Variants in SUSD4 observed in about 807,000 individuals in gnomAD.
The protein encoded by SUSD4 is sushi domain containing 4, also known as sushi domain-containing protein 4.
SUSD4 carries 41 observed loss-of-function variants against 50.5 expected under a neutral mutation model. That is an observed-to-expected ratio of 0.81 (90% CI 0.63 to 1.05). The LOEUF (loss-of-function observed/expected upper bound fraction) is 1.05, where lower values mean the gene tolerates loss of function less well. Ranked by LOEUF, SUSD4 falls within the 50% of genes least tolerant of loss-of-function variation. The probability of loss-of-function intolerance (pLI) is 0.00; values close to 1 mark genes in which losing one functional copy is unlikely to be tolerated. For missense variants in SUSD4, 580 were observed against 634.7 expected, an observed-to-expected ratio of 0.91 and a Z score of 0.93; for synonymous variants, 257 against 257.3, an observed-to-expected ratio of 1.00 and a Z score of 0.01.
At chr1:223,363,693 G>A (rs1669143013) in intron 1 of SUSD4, 1 of 463,190 alleles carries the variant, frequency 2.2e-6, no homozygotes, top group Non-Finnish European at 3.8e-6. Flanking sequence ...ATGGAGGACA[G>A]GAGGGAGGGC....
At chr1:223,244,276 A>G in intron 5 of SUSD4, among the ~76,000 whole-genome samples, 1 of 152,210 alleles carries the variant, frequency 6.6e-6, no homozygotes, top group East Asian at 1.9e-4. Context: ...CAGAAGGTTT[A>G]AAAAACTAAA....
chr1:223,305,633 C>A (rs766974183), intron 2 of SUSD4, among the ~76,000 whole-genome samples: 21 of 152,148 alleles, frequency 1.4e-4, no homozygotes, highest in Non-Finnish European at 2.1e-4. Context: ...TTTTTCACTG[C>A]AAAAGCAGTA....
intron 2 of SUSD4, among the ~76,000 whole-genome samples, chr1:223,328,345 A>G: frequency 6.6e-6 from 1 of 152,180 alleles, no homozygotes; most frequent in Non-Finnish European, 1.5e-5. Flanking sequence ...TTAAGGTCTC[A>G]CAGTAGGTGG....
At chr1:223,314,792 C>T (rs1393078556) in intron 2 of SUSD4, among the ~76,000 whole-genome samples, 1 of 152,186 alleles carries the variant, frequency 6.6e-6, no homozygotes. Flanking sequence ...AGCCATGTGG[C>T]ACTGTGAGTC....
intron 5 of SUSD4, among the ~76,000 whole-genome samples, chr1:223,248,464 A>G (rs1203970741): frequency 1.3e-5 from 2 of 152,210 alleles, no homozygotes; most frequent in African/African-American, 4.8e-5. Context: ...GATTCCAGGA[A>G]GTTGCACGGA....
At chr1:223,338,208 C>T (rs1331114636) in intron 2 of SUSD4, among the ~76,000 whole-genome samples, 1 of 152,116 alleles carries the variant, frequency 6.6e-6, no homozygotes, top group East Asian at 1.9e-4. Context: ...GGCAGTCAGG[C>T]TTTTTTAAAA....
intron 6 of SUSD4, among the ~76,000 whole-genome samples, chr1:223,228,435 G>A (rs1468816855): frequency 6.6e-6 from 1 of 152,180 alleles, no homozygotes; most frequent in Admixed American, 6.5e-5. Flanking sequence ...TGTGTCCAGG[G>A]GAAAGGCATG....
At chr1:223,226,456 A>G (rs767890241) in intron 7 of SUSD4, among the ~76,000 whole-genome samples, 2 of 152,226 alleles carry the variant, frequency 1.3e-5, no homozygotes, top group Non-Finnish European at 1.5e-5. Context: ...GCTGCCAGGC[A>G]GGGGAGAATT....
At chr1:223,239,859 C>T (rs1280994096) in intron 5 of SUSD4, among the ~76,000 whole-genome samples, 1 of 151,960 alleles carries the variant, frequency 6.6e-6, no homozygotes, top group East Asian at 1.9e-4. Context: ...TTTACCTTCA[C>T]TCATTCCTTC....
intron 2 of SUSD4, among the ~76,000 whole-genome samples, chr1:223,323,169 G>A (rs188364708): frequency 2.0e-5 from 3 of 151,834 alleles, no homozygotes; most frequent in Admixed American, 2.0e-4. Context: ...AGGGAGTGAG[G>A]GAGAGTGACA....
chr1:223,225,415 T>A (rs530213038), intron 7 of SUSD4, among the ~76,000 whole-genome samples: 73 of 152,172 alleles, frequency 4.8e-4, no homozygotes, highest in African/African-American at 1.3e-3. Flanking sequence ...GAGATTATGG[T>A]GGTGGACTCC....
chr1:223,263,922 C>T (rs768517912), intron 5 of SUSD4: 1 of 985,300 alleles, frequency 1.0e-6, no homozygotes, highest in African/African-American at 1.7e-5. Context: ...ACCCACTATA[C>T]TCAGATGCTG....
intron 4 of SUSD4, among the ~76,000 whole-genome samples, chr1:223,266,067 C>A (rs181388585): frequency 9.2e-5 from 14 of 152,224 alleles, no homozygotes; most frequent in Non-Finnish European, 1.8e-4. Context: ...GAGGGTAAGG[C>A]GGGTGCAGAA....
At chr1:223,348,983 T>A (rs745529507) in intron 2 of SUSD4, among the ~76,000 whole-genome samples, 3 of 150,938 alleles carry the variant, frequency 2.0e-5, no homozygotes, top group Admixed American at 6.6e-5. Flanking sequence ...CTCTGGGAGG[T>A]GCCAAGCAGA....
At chr1:223,314,309 G>A (rs185610090) in intron 2 of SUSD4, among the ~76,000 whole-genome samples, 10 of 152,240 alleles carry the variant, frequency 6.6e-5, no homozygotes, top group African/African-American at 1.9e-4. Context: ...CCAAGTCCTG[G>A]ATAAACATTC....
chr1:223,252,236 AATAT>A (rs1193229922), intron 5 of SUSD4, among the ~76,000 whole-genome samples: 1 of 89,726 alleles, frequency 1.1e-5, no homozygotes. Context: ...AAAAAAAAAA[AATAT>A]ATATATATAT....
At chr1:223,239,448 C>T (rs1660432814) in intron 5 of SUSD4, among the ~76,000 whole-genome samples, 1 of 152,026 alleles carries the variant, frequency 6.6e-6, no homozygotes, top group Non-Finnish European at 1.5e-5. Flanking sequence ...CCACTTCCAG[C>T]ATTTCTTTTT....
chr1:223,364,736 G>A (rs1474972431), upstream of SUSD4, among the ~76,000 whole-genome samples: 1 of 151,766 alleles, frequency 6.6e-6, no homozygotes, highest in South Asian at 2.1e-4. This position sits in a 1 kb window ranked among gnomAD's most constrained non-coding sequence, Gnocchi z 4.5. Flanking sequence ...CTGCAGACCC[G>A]GGGCGAGTGC....
At chr1:223,269,232 A>C (rs187066625) in intron 3 of SUSD4, among the ~76,000 whole-genome samples, 48 of 152,286 alleles carry the variant, frequency 3.2e-4, no homozygotes, top group Admixed American at 3.1e-3. Context: ...TTAAAAAGAG[A>C]TAACAGATAG....
Sources: gnomAD v4.1 joint callset for allele counts (sites outside exome capture counted in the v4.1 genomes callset) on GRCh38, gnomAD v4.1.1 for gene constraint, Gnocchi (gnomAD v3.1) non-coding constraint, MANE v1.5 for transcripts, NCBI Gene and HGNC (gene_info 2026-07-23, HGNC 2026-07-21) for gene names.